PXT1: variants seen among roughly 807,000 people sequenced by gnomAD.
PXT1 encodes the protein peroxisomal testis enriched protein 1.
PXT1 carries 11 observed loss-of-function variants against 11.0 expected under a neutral mutation model. That is an observed-to-expected ratio of 1.00 (90% CI 0.63 to 1.66). PXT1 has a LOEUF of 1.66. Among genes scored for constraint, PXT1 ranks in the 40% most tolerant of loss-of-function variants. The probability of loss-of-function intolerance (pLI) is 0.00; values close to 1 mark genes in which losing one functional copy is unlikely to be tolerated. For synonymous variants in PXT1, 43 were observed against 51.4 expected (o/e 0.84, Z 0.70); for missense variants, 141 against 155.5 (o/e 0.91, Z 0.49).
At chr6:36,427,730 T>G (rs1382568576) in intron 2 of PXT1, among the ~76,000 whole-genome samples, 1 of 151,256 alleles carries the variant, frequency 6.6e-6, no homozygotes, top group Non-Finnish European at 1.5e-5. Flanking sequence ...CTTCAAAATC[T>G]GGTATGCATT....
chr6:36,396,529 A>T (rs936866370), intron 4 of PXT1, among the ~76,000 whole-genome samples: 1 of 152,352 alleles, frequency 6.6e-6, no homozygotes, highest in East Asian at 1.9e-4. Context: ...CGCCGGAGGC[A>T]GATTGATTCC....
At chr6:36,430,051 A>G (rs1275404565) in intron 2 of PXT1, among the ~76,000 whole-genome samples, 1 of 151,928 alleles carries the variant, frequency 6.6e-6, no homozygotes, top group Non-Finnish European at 1.5e-5. Context: ...TACTAAAAGT[A>G]CAAAACTTGG....
At chr6:36,411,616 C>T (rs565286757) in intron 3 of PXT1, among the ~76,000 whole-genome samples, 4 of 152,122 alleles carry the variant, frequency 2.6e-5, no homozygotes, top group African/African-American at 9.6e-5. Context: ...CAGAAAAAAC[C>T]CACACTAGCT....
rs1774659195 is a variant in PXT1 at position 36,429,509 on chromosome 6, T to TTTTC, written c.-9-3419_-9-3418insGAAA. Among the ~76,000 whole-genome samples the TTTTC allele has an allele frequency of 1.2e-4, 6 of 48,810 alleles. No homozygotes were observed. The Admixed American group carries it at 1.4e-3, about 12-fold the overall frequency. 32.0% of individuals were successfully genotyped at this position (48,810 alleles called of 152,430 possible). Reference sequence around the variant, plus strand: ...TTTTCTTTTTTCTTTTTTTCTTTTCTTTTTTTTTTTTTTGAGATGGAGTTT... The same window carrying TTTTC: ...TTTTCTTTTTTCTTTTTTTCTTTTCTTTTCTTTTTTTTTTTTTGAGATGGAGTTT... On this transcript the variant is annotated intron_variant, in intron 2 of 4. Transcript: ENST00000454782.
chr6:36,417,224 G>A (rs889645279), intron 3 of PXT1, among the ~76,000 whole-genome samples: 18 of 152,082 alleles, frequency 1.2e-4, no homozygotes, highest in Non-Finnish European at 5.9e-5. Context: ...GCGGGCACCT[G>A]TAATCCCAGC....
At chr6:36,395,381 T>C (rs1774128957) in intron 4 of PXT1, among the ~76,000 whole-genome samples, 1 of 151,590 alleles carries the variant, frequency 6.6e-6, no homozygotes, top group African/African-American at 2.4e-5. Flanking sequence ...GGTAAATAAA[T>C]GATGACTATA....
At chr6:36,394,898 C>A (rs1261472275) in intron 4 of PXT1, among the ~76,000 whole-genome samples, 1 of 152,010 alleles carries the variant, frequency 6.6e-6, no homozygotes, top group East Asian at 1.9e-4. Context: ...AATTCCTGGG[C>A]TCAAGCAATC....
At chr6:36,394,524 A>G (rs1463296774) in intron 4 of PXT1, among the ~76,000 whole-genome samples, 2 of 152,130 alleles carry the variant, frequency 1.3e-5, no homozygotes, top group East Asian at 3.9e-4. Context: ...TGGAGAAACC[A>G]CAGAGGATGG....
intron 4 of PXT1, among the ~76,000 whole-genome samples, chr6:36,396,743 A>T (rs1450994570): frequency 2.0e-5 from 3 of 152,222 alleles, no homozygotes; most frequent in African/African-American, 7.2e-5. Context: ...CAGCCAGAGC[A>T]GGGCAGATGA....
chr6:36,441,517 G>C lies in PXT1; in HGVS notation c.-130+1018C>G, dbSNP rs367688852. Among the ~76,000 whole-genome samples the C allele has an allele frequency of 2.0e-4, 30 of 152,294 alleles. No homozygotes were observed. The East Asian group carries it at 5.4e-3, about 27-fold the overall frequency. ...GCCACTCACTTCTGGCAGAGGCAAA[G>C]GAGAGCCCTTACAGGATTCTCCAAT... On this transcript the variant is annotated intron_variant, in intron 1 of 4. Transcript: ENST00000454782.
intron 3 of PXT1, among the ~76,000 whole-genome samples, chr6:36,407,945 T>C (rs1474006452): frequency 7.3e-6 from 1 of 136,238 alleles, no homozygotes; most frequent in African/African-American, 2.8e-5. Flanking sequence ...TTAATCCTTT[T>C]TCTTTTTCTT....
chr6:36,439,142 G>A (rs1369278390), intron 1 of PXT1, among the ~76,000 whole-genome samples: 4 of 151,812 alleles, frequency 2.6e-5, no homozygotes, highest in Non-Finnish European at 5.9e-5. Context: ...GGGATTACAG[G>A]CGCACCACCG....
In PXT1 at chr6:36,438,451, T is replaced by A. The variant is rs377147395; in HGVS notation, c.-10+316A>T. On this transcript the variant is annotated intron_variant, in intron 2 of 4. Coordinates refer to ENST00000454782, the MANE Select transcript of PXT1 (RefSeq NM_152990.4). ...TTGTTTTTTGTTTTTTGAGACTGAGTCTCGCTCTGTCGCCCAGGCTGGAGT... is the reference window on the plus strand; with the variant it reads ...TTGTTTTTTGTTTTTTGAGACTGAGACTCGCTCTGTCGCCCAGGCTGGAGT... Among the ~76,000 whole-genome samples, 88 of 152,178 alleles carry A rather than the reference T, an allele frequency of 5.8e-4. 1 individual carries two copies. The highest frequency in any genetic ancestry group is 1.8e-4 in the Non-Finnish European group (12 of 68,024).
chr6:36,423,371 AC>A (rs1158293743), intron 3 of PXT1, among the ~76,000 whole-genome samples: 6 of 152,168 alleles, frequency 3.9e-5, no homozygotes, highest in South Asian at 4.1e-4. Context: ...ACCAGTGAGA[AC>A]CCCGCTCCCG....
intron 4 of PXT1, among the ~76,000 whole-genome samples, chr6:36,396,628 A>G (rs1774147986): frequency 6.6e-6 from 1 of 152,172 alleles, no homozygotes; most frequent in Admixed American, 6.5e-5. Context: ...AGTCCTGTGG[A>G]CCAGAGTGAG....
intron 3 of PXT1, among the ~76,000 whole-genome samples, chr6:36,410,653 A>C (rs1438839272): frequency 6.6e-6 from 1 of 152,104 alleles, no homozygotes; most frequent in Non-Finnish European, 1.5e-5. Context: ...AATCCAGACC[A>C]CTCTTCTTTA....
chr6:36,425,874 TA>T, intron 3 of PXT1, 39 bp downstream of exon 3: 1 of 1,390,230 alleles, frequency 7.2e-7, no homozygotes, highest in Non-Finnish European at 9.7e-7. Context: ...AAACACATGC[TA>T]AGTAAACTAT....
chr6:36,433,837 A>G (rs12214522), intron 2 of PXT1, among the ~76,000 whole-genome samples: 1 of 132,850 alleles, frequency 7.5e-6, no homozygotes, highest in South Asian at 2.3e-4. Flanking sequence ...AAAAAAAAAA[A>G]AAAGAAAAGA....
At chr6:36,399,049 T>C (rs1774179730) in intron 4 of PXT1, among the ~76,000 whole-genome samples, 1 of 152,240 alleles carries the variant, frequency 6.6e-6, no homozygotes, top group Non-Finnish European at 1.5e-5. Context: ...TGAAATTGGC[T>C]TATCAAATAG....
Sources: allele counts gnomAD v4.1 joint callset (sites outside exome capture counted in the v4.1 genomes callset), GRCh38; gene constraint gnomAD v4.1.1; transcripts MANE v1.5; gene names NCBI Gene and HGNC (gene_info 2026-07-23, HGNC 2026-07-21).